Variants in MED24 observed in about 807,000 individuals in gnomAD.
MED24 encodes the protein mediator of RNA polymerase II transcription subunit 24.
Under a neutral mutation model 118.8 loss-of-function variants are expected in MED24, and 74 were observed. That is an observed-to-expected ratio of 0.62 (90% confidence interval 0.52 to 0.76). The LOEUF (loss-of-function observed/expected upper bound fraction) is 0.76, where lower values mean the gene tolerates loss of function less well. MED24 is among the 30% of genes least tolerant of loss of function. The pLI is 0.00. For synonymous variants in MED24, 521 were observed against 523.9 expected, an observed-to-expected ratio of 0.99 and a Z score of 0.08; for missense variants, 1,041 against 1,278.9, an observed-to-expected ratio of 0.81 and a Z score of 2.84.
intron 16 of MED24, 21 bp downstream of exon 16, chr17:40,027,362 C>T: frequency 6.2e-7 from 1 of 1,607,326 alleles, no homozygotes; most frequent in Admixed American, 1.7e-5. Context: ...AGCCCCCGTC[C>T]CGGTCGCTCC....
intron 15 of MED24, 153 bp from the exon 16 acceptor site, chr17:40,027,618 C>T (rs1982843556): frequency 2.7e-6 from 2 of 744,796 alleles, no homozygotes; most frequent in Admixed American, 2.7e-5. Flanking sequence ...TGAGTCTCAA[C>T]TGGAACATCA....
chr17:40,035,791 T>A lies in MED24; in HGVS notation c.257A>T (p.Asp86Val). The A allele has an allele frequency of 6.2e-7, 1 of 1,613,868 alleles. No individual in the cohort carries two copies. The highest frequency in any genetic ancestry group is 1.1e-5 in the South Asian group (1 of 91,076). ...GACACACAGGTCCCGAGAAAAGTCA[T>A]CAAACTGTGGAAAGGACAGTGGAGA... ...SSVLTAISKF[D>V]DFSRDLCVQA... is the part of the protein sequence containing the mutation. The change falls in exon 5 of 26, where the codon GAT (aspartate) becomes GTT (valine). Residue 86 changes from aspartate (D) to valine (V), a missense_variant. Asp to Val is a radical substitution (Grantham distance 152). Coordinates refer to ENST00000394128, the MANE Select transcript of MED24 (RefSeq NM_014815.4).
rs1981666308 is a variant in MED24, at chr17:40,019,435, T to C, written c.*94A>G. On this transcript the variant is annotated 3_prime_UTR_variant, in exon 26 of 26. Transcript: ENST00000394128. ...GCTCTTGCACCATGTGGAGCGGATG[T>C]GAGGCACGATGCCTCATCTTTCCTC... is the stretch of plus-strand genomic sequence containing the variant. 1.9e-6 allele frequency: 2 copies of C among 1,030,342 alleles called. No individual in the cohort carries two copies. The highest frequency in any genetic ancestry group is 2.9e-6 in the Non-Finnish European group (2 of 679,128). 63.8% of individuals were successfully genotyped at this position (1,030,342 alleles called of 1,614,324 possible).
At chr17:40,027,757 T>A in intron 15 of MED24, 152 bp downstream of exon 15, 2 of 862,534 alleles carry the variant, frequency 2.3e-6, no homozygotes, top group Admixed American at 2.1e-5. Context: ...TTATCCACTT[T>A]CAAGCTCTGT....
intron 4 of MED24, 138 bp downstream of exon 4, chr17:40,035,978 C>T (rs1241905631): frequency 8.7e-7 from 1 of 1,149,116 alleles, no homozygotes; most frequent in African/African-American, 1.5e-5. Flanking sequence ...GATCCCCCTC[C>T]CATGGAAGTC....
intron 3 of MED24, among the ~76,000 whole-genome samples, chr17:40,050,953 G>A (rs939517157): frequency 1.3e-5 from 2 of 151,966 alleles, no homozygotes; most frequent in East Asian, 1.9e-4. Context: ...CATGACTAAC[G>A]TGGAGAAACC....
intron 3 of MED24, among the ~76,000 whole-genome samples, chr17:40,040,797 G>GT (rs899196895): frequency 1.8e-4 from 27 of 151,780 alleles, no homozygotes; most frequent in Admixed American, 1.3e-3. Flanking sequence ...TTTTGTATTA[G>GT]TAGAGACAGA....
chr17:40,049,846 G>A (rs996961632), intron 3 of MED24, among the ~76,000 whole-genome samples: 3 of 151,666 alleles, frequency 2.0e-5, no homozygotes, highest in East Asian at 2.0e-4. Context: ...CTTTATGATG[G>A]TGTAAAAGAG....
intron 9 of MED24, 104 bp from the exon 10 acceptor site, chr17:40,032,194 G>A (rs1259146840): frequency 5.3e-6 from 7 of 1,333,110 alleles, no homozygotes; most frequent in Non-Finnish European, 6.4e-6. Context: ...AGAGAGACAG[G>A]AACACTCCTA....
In MED24 at chr17:40,026,910, G is replaced by C; in HGVS notation, c.1655C>G (p.Thr552Ser). The change falls in exon 17 of 26, where the codon ACC (threonine) becomes AGC (serine). Residue 552 changes from threonine to serine, a missense_variant. Thr to Ser is a moderately conservative substitution (Grantham distance 58, BLOSUM62 1). Around this residue, in one of 3 missense-constraint regions of MED24, gnomAD observed 587 missense variants for 694.4 expected, o/e 0.85. Transcript: ENST00000394128. ...PDHPCFRPDS[T>S]KVESLVALLN... is the part of the protein sequence containing the mutation. ...CAGGGCCACCAGGGACTCCACTTTG[G>C]TGGAGTCGGGGCGGAAGCAGGGGTG... 1.2e-6 allele frequency: 2 copies of C among 1,614,084 alleles called. No homozygotes were observed. Among genetic ancestry groups the C allele is most frequent in the Non-Finnish European group, 1.7e-6 (2 of 1,180,012 alleles).
At chr17:40,045,592 C>G (rs1161477687) in intron 3 of MED24, among the ~76,000 whole-genome samples, 2 of 151,646 alleles carry the variant, frequency 1.3e-5, no homozygotes, top group Non-Finnish European at 2.9e-5. Context: ...CAAGATGAGC[C>G]TGAGCAACAT....
intron 3 of MED24, among the ~76,000 whole-genome samples, chr17:40,040,931 T>C (rs1984497071): frequency 6.6e-6 from 1 of 151,874 alleles, no homozygotes; most frequent in African/African-American, 2.4e-5. Context: ...TTTACTTTTT[T>C]AGTAGAGATA....
At chr17:40,045,747 G>A (rs1985102397) in intron 3 of MED24, among the ~76,000 whole-genome samples, 1 of 152,178 alleles carries the variant, frequency 6.6e-6, no homozygotes, top group Admixed American at 6.5e-5. Context: ...CTGCACTCCA[G>A]CCTGGGCAAC....
intron 6 of MED24, among the ~76,000 whole-genome samples, chr17:40,034,582 A>G (rs1018423138): frequency 6.6e-6 from 1 of 152,182 alleles, no homozygotes; most frequent in Non-Finnish European, 1.5e-5. Flanking sequence ...AAAGTACCCA[A>G]ACTTAACATC....
chr17:40,042,972 G>A (rs1283982071), intron 3 of MED24, among the ~76,000 whole-genome samples: 1 of 152,198 alleles, frequency 6.6e-6, no homozygotes, highest in African/African-American at 2.4e-5. Context: ...TTTATTTTGA[G>A]ATAGGATCTC....
Position 40,020,318 on chromosome 17 carries a change from G to T in MED24, c.2659C>A (p.Gln887Lys). ...RSMSSSLSAS[Q>K]LHTVNMRDPL... ...TCCCGCATGTTGACCGTGTGGAGCTGAGAGGCTGAGAGGGAGCTGCTCATG... is the reference window on the plus strand; with the variant it reads ...TCCCGCATGTTGACCGTGTGGAGCTTAGAGGCTGAGAGGGAGCTGCTCATG... The change falls in exon 24 of 26, where the codon CAG becomes AAG. Residue 887 changes from glutamine to lysine, a missense_variant. Around this residue, in one of 3 missense-constraint regions of MED24, gnomAD observed 587 missense variants for 694.4 expected, o/e 0.85. Coordinates refer to ENST00000394128, the MANE Select transcript of MED24 (RefSeq NM_014815.4). The T allele has an allele frequency of 6.3e-7, 1 of 1,594,684 alleles. No homozygotes were observed. The highest frequency in any genetic ancestry group is 8.5e-7 in the Non-Finnish European group (1 of 1,170,682).
chr17:40,031,054 G>A (rs1207229757), intron 12 of MED24, 105 bp downstream of exon 12: 14 of 1,115,656 alleles, frequency 1.3e-5, no homozygotes, highest in Non-Finnish European at 1.9e-5. Flanking sequence ...CCAGTCACTT[G>A]CAGCCCAAAC....
At chr17:40,020,239 G>A in intron 24 of MED24, 34 bp downstream of exon 24, 1 of 1,479,938 alleles carries the variant, frequency 6.8e-7, no homozygotes, top group Middle Eastern at 1.8e-4. Context: ...GTCCAGCTTA[G>A]CCCCAGGTTC....
chr17:40,028,738 A>C, intron 14 of MED24, 88 bp downstream of exon 14: 1 of 1,552,592 alleles, frequency 6.4e-7, no homozygotes, highest in Non-Finnish European at 8.7e-7. Context: ...TGAGACCCAG[A>C]CCCAGGCACC....
Sources: gnomAD v4.1 joint callset for allele counts (sites outside exome capture counted in the v4.1 genomes callset) on GRCh38, gnomAD v4.1.1 for gene constraint, gnomAD v4.1.1 regional missense constraint, MANE v1.5 for transcripts, NCBI Gene and HGNC (gene_info 2026-07-23, HGNC 2026-07-21) for gene names.